ANK2: variants seen among roughly 807,000 people sequenced by gnomAD.
ANK2 encodes ankyrin-2.
ANK2 carries 83 observed loss-of-function variants against 360.5 expected under a neutral mutation model. The ratio of observed to expected loss-of-function variants is 0.23; its 90% CI spans 0.19 to 0.28. ANK2 has a LOEUF of 0.28. Ranked by LOEUF, ANK2 falls within the 10% of genes least tolerant of loss-of-function variation. ANK2 has a pLI of 1.00. For missense variants in ANK2, 4,201 were observed against 4,795.7 expected (o/e 0.88, Z 3.66); for synonymous variants, 1,740 against 1,759.5 (o/e 0.99, Z 0.28).
chr4:112,918,311 G>A (rs891872248), intron 2 of ANK2, among the ~76,000 whole-genome samples: 3 of 152,064 alleles, frequency 2.0e-5, no homozygotes, highest in African/African-American at 7.2e-5. Context: ...ATAGCTTGAT[G>A]CATTTGGCAT....
intron 2 of ANK2, among the ~76,000 whole-genome samples, chr4:113,037,516 G>A (rs185621844): frequency 5.9e-5 from 9 of 152,046 alleles, no homozygotes; most frequent in Admixed American, 5.2e-4. Flanking sequence ...AAACTGGCAA[G>A]CAGATACTAT....
In ANK2 at chr4:113,158,093, A is replaced by G. The variant is rs2097368465; in HGVS notation, c.85-16323A>G. Among the ~76,000 whole-genome samples the G allele has an allele frequency of 2.0e-5, 3 of 152,232 alleles. No individual in the cohort carries two copies. In the South Asian group the frequency reaches 6.2e-4, roughly 32 times the overall value. The stretch of plus-strand genomic sequence containing the variant: ...TTGTATATTGTAGAGTCTCTTGAGT[A>G]GACAGATGACTTAAAAGAAAAAGCA... On this transcript the variant is annotated intron_variant, in intron 1 of 45. Coordinates refer to ENST00000357077, the MANE Select transcript of ANK2 (RefSeq NM_001148.6).
At chr4:113,041,250 T>C (rs1030675344) in intron 2 of ANK2, among the ~76,000 whole-genome samples, 2 of 152,148 alleles carry the variant, frequency 1.3e-5, no homozygotes, top group Admixed American at 1.3e-4. Flanking sequence ...CCCGAATCCT[T>C]AACATGGCCT....
At position 113,358,336 on chromosome 4, in the gene ANK2, A is replaced by T; in HGVS notation, c.9718A>T (p.Lys3240Ter). Residue 3240 changes from lysine to a stop codon, truncating the protein, a stop_gained, in exon 38 of 46, where the codon AAG becomes TAG. Transcript: ENST00000357077. LOFTEE classifies it high-confidence loss of function. The part of the protein sequence containing the change: ...TGDIPPLSGV[K>*]QISCPDSSEP... ...TGATATACCTCCTCTCTCTGGTGTA[A>T]AGCAGATATCCTGCCCCGACTCTTC... 1 of 1,613,840 alleles carries T rather than the reference A, an allele frequency of 6.2e-7. No homozygotes were observed. The highest frequency in any genetic ancestry group is 8.5e-7 in the Non-Finnish European group (1 of 1,179,812).
chr4:112,957,983 C>T (rs1437643520), intron 2 of ANK2, among the ~76,000 whole-genome samples: 1 of 151,076 alleles, frequency 6.6e-6, no homozygotes, highest in Admixed American at 6.6e-5. Flanking sequence ...GCGCTCCCCA[C>T]GTCTCAGACG....
chr4:113,049,317 T>C (rs1488826343), upstream of ANK2, among the ~76,000 whole-genome samples: 1 of 152,166 alleles, frequency 6.6e-6, no homozygotes, highest in Non-Finnish European at 1.5e-5. Context: ...TTCTAGAATG[T>C]TACAGTTTTC....
chr4:113,138,830 T>A (rs1415213696), intron 1 of ANK2, among the ~76,000 whole-genome samples: 1 of 152,142 alleles, frequency 6.6e-6, no homozygotes, highest in Non-Finnish European at 1.5e-5. Context: ...CTAGGGTGAG[T>A]ATACAAACTG....
chr4:113,079,728 AT>A (rs11341925), intron 1 of ANK2, among the ~76,000 whole-genome samples: 119,817 of 152,014 alleles, frequency 0.79, 47,490 homozygotes, highest in Non-Finnish European at 0.82. Context: ...GTTGGAGGAA[AT>A]TAAACATTTC....
At chr4:113,117,601 A>C (rs2094944640) in intron 1 of ANK2, among the ~76,000 whole-genome samples, 2 of 152,112 alleles carry the variant, frequency 1.3e-5, no homozygotes, top group African/African-American at 4.8e-5. Flanking sequence ...GAGCAGGGTG[A>C]ATTTCCTTTG....
At chr4:112,764,304 T>C in the ANK2 span, among the ~76,000 whole-genome samples, 2 of 152,152 alleles carry the variant, frequency 1.3e-5, no homozygotes, top group Non-Finnish European at 2.9e-5. Context: ...ATCTCTTTTC[T>C]ATTCGCTAAT....
intron 1 of ANK2, among the ~76,000 whole-genome samples, chr4:112,847,096 A>G (rs1339775738): frequency 6.6e-6 from 1 of 152,182 alleles, no homozygotes; most frequent in Non-Finnish European, 1.5e-5. Flanking sequence ...TGAGTATAAT[A>G]ACTTCAAAGA....
intron 1 of ANK2, among the ~76,000 whole-genome samples, chr4:112,887,294 G>A (rs1436806109): frequency 1.3e-5 from 2 of 152,180 alleles, no homozygotes; most frequent in Non-Finnish European, 2.9e-5. Context: ...AAAGCTAGAC[G>A]GATTCAGTAG....
intron 1 of ANK2, among the ~76,000 whole-genome samples, chr4:112,832,406 A>C (rs1346324715): frequency 6.6e-6 from 1 of 152,164 alleles, no homozygotes; most frequent in East Asian, 1.9e-4. Context: ...CCTGAACCTA[A>C]AATAAAATTT....
upstream of ANK2, among the ~76,000 whole-genome samples, chr4:113,048,947 C>G (rs993273984): frequency 1.3e-5 from 2 of 151,680 alleles, no homozygotes; most frequent in African/African-American, 4.8e-5. Context: ...CACACACACA[C>G]ACACACACAC....
At chr4:113,045,779 A>G (rs540681976), upstream of ANK2, among the ~76,000 whole-genome samples, 10 of 152,332 alleles carry the variant, frequency 6.6e-5, no homozygotes, top group African/African-American at 2.4e-4. Context: ...AAATATCTGT[A>G]AAAATCTTAT....
At chr4:112,713,247 C>T in the ANK2 span, among the ~76,000 whole-genome samples, 4 of 152,136 alleles carry the variant, frequency 2.6e-5, no homozygotes, top group Middle Eastern at 3.4e-3. Flanking sequence ...CACCACTGCC[C>T]GGCCATTCAC....
At chr4:113,087,325 A>G (rs942128719) in intron 1 of ANK2, among the ~76,000 whole-genome samples, 3 of 152,198 alleles carry the variant, frequency 2.0e-5, no homozygotes, top group Non-Finnish European at 2.9e-5. Flanking sequence ...TTAAAAAAAG[A>G]TGTATGTTGG....
the ANK2 span, among the ~76,000 whole-genome samples, chr4:112,750,718 ATTTCTTTCCTTT>A: frequency 6.6e-6 from 1 of 151,336 alleles, no homozygotes; most frequent in South Asian, 2.1e-4. Context: ...TTTTATGGTT[ATTTCTTTCCTTT>A]TTTCTTTTTT....
rs1204438988 is a variant in ANK2, at chr4:113,383,592, T to C, written c.*2121T>C. On this transcript the variant is annotated 3_prime_UTR_variant, in exon 46 of 46. Coordinates refer to ENST00000357077, the MANE Select transcript of ANK2 (RefSeq NM_001148.6). ...ATTTTCAGTTGACGAATCAGCATCT[T>C]GTTCCCATGGTGATAACACTAATTG... 6.6e-6 allele frequency: 1 copy of C among 152,632 alleles called. No homozygotes were observed. Among genetic ancestry groups the C allele is most frequent in the Admixed American group, 6.5e-5 (1 of 15,276 alleles). The allele number at this position is 152,632 out of a possible 1,614,324, so 9.5% of individuals were successfully genotyped here. A position where few individuals can be genotyped will look rare whatever the true frequency, so the allele number is the denominator to read the frequency against.
Sources: gnomAD v4.1 joint callset for allele counts (sites outside exome capture counted in the v4.1 genomes callset) on GRCh38, gnomAD v4.1.1 for gene constraint, MANE v1.5 for transcripts, NCBI Gene and HGNC (gene_info 2026-07-23, HGNC 2026-07-21) for gene names.